FAM167A: variants seen among roughly 807,000 people sequenced by gnomAD.
FAM167A encodes family with sequence similarity 167 member A, also known as protein FAM167A.
In FAM167A, 23 loss-of-function variants were observed where a neutral mutation model predicts 14.9. That is an observed-to-expected ratio of 1.55 (90% CI 1.11 to 2.19). The LOEUF (loss-of-function observed/expected upper bound fraction) is 2.19, where lower values mean the gene tolerates loss of function less well. Among genes scored for constraint, FAM167A ranks in the 30% most tolerant of loss-of-function variants. FAM167A has a pLI of 0.00. For synonymous variants in FAM167A, 174 were observed against 117.7 expected, an observed-to-expected ratio of 1.48 and a Z score of -3.10; for missense variants, 401 against 281.5, an observed-to-expected ratio of 1.42 and a Z score of -3.04.
At chr8:11,455,322 TG>T (rs1807196448) in intron 1 of FAM167A, among the ~76,000 whole-genome samples, 1 of 127,068 alleles carries the variant, frequency 7.9e-6, no homozygotes, top group Non-Finnish European at 1.6e-5. Context: ...TGTGTGAGTG[TG>T]GGGGGTGGTT....
At chr8:11,455,152 G>A (rs1037396760) in intron 1 of FAM167A, among the ~76,000 whole-genome samples, 1 of 144,558 alleles carries the variant, frequency 6.9e-6, no homozygotes, top group African/African-American at 2.6e-5. Flanking sequence ...GTGTGTGTGT[G>A]TGACTGTGGT....
rs1478838901 is a variant in FAM167A at position 11,424,055 on chromosome 8, T to C, written c.*318A>G. On this transcript the variant is annotated 3_prime_UTR_variant, in exon 3 of 3. Transcript: ENST00000284486. ...GAATCCCAGTTCATAGCACCAGTGA[T>C]TCCAGGAAACAGGAACGTGACCGTG... The C allele has an allele frequency of 1.0e-5, 3 of 291,916 alleles. No individual in the cohort carries two copies. Among genetic ancestry groups the C allele is most frequent in the Admixed American group, 4.6e-5 (1 of 21,872 alleles). The allele number at this position is 291,916 out of a possible 1,614,324, so 18.1% of individuals were successfully genotyped here.
At chr8:11,470,391 A>T (rs1807920402), upstream of FAM167A, among the ~76,000 whole-genome samples, 1 of 152,188 alleles carries the variant, frequency 6.6e-6, no homozygotes, top group Non-Finnish European at 1.5e-5. Flanking sequence ...AGGGGCCAGC[A>T]TGGATGCCTC....
chr8:11,462,473 G>T (rs777139645), intron 1 of FAM167A, among the ~76,000 whole-genome samples: 3 of 152,194 alleles, frequency 2.0e-5, no homozygotes, highest in Non-Finnish European at 2.9e-5. Flanking sequence ...GACTGTGCTT[G>T]GCTGTCACTC....
intron 2 of FAM167A, chr8:11,438,258 G>A (rs752202751): frequency 1.5e-5 from 6 of 406,892 alleles, no homozygotes; most frequent in Non-Finnish European, 3.0e-5. Flanking sequence ...CCTTGACCCT[G>A]CAAGACAGCC....
At chr8:11,441,739 A>AG (rs1211184985) in intron 2 of FAM167A, among the ~76,000 whole-genome samples, 2 of 152,226 alleles carry the variant, frequency 1.3e-5, no homozygotes, top group Non-Finnish European at 2.9e-5. Flanking sequence ...AAATGGACAC[A>AG]GTGAGGGCAA....
upstream of FAM167A, among the ~76,000 whole-genome samples, chr8:11,469,507 T>C (rs1278719783): frequency 8.5e-5 from 13 of 152,184 alleles, no homozygotes; most frequent in Non-Finnish European, 1.5e-4. Flanking sequence ...TTTCTTTCCG[T>C]TGGTGCATGA....
At chr8:11,429,099 G>A (rs974400670) in intron 2 of FAM167A, among the ~76,000 whole-genome samples, 1 of 152,028 alleles carries the variant, frequency 6.6e-6, no homozygotes. Flanking sequence ...AACAGAAACT[G>A]CATCCATCAA....
chr8:11,463,720 T>G (rs1255694233), intron 1 of FAM167A, among the ~76,000 whole-genome samples: 1 of 152,196 alleles, frequency 6.6e-6, no homozygotes, highest in Non-Finnish European at 1.5e-5. Context: ...TGGAGGGAAC[T>G]TCCGGCCACA....
At chr8:11,452,307 G>A (rs1313028549) in intron 1 of FAM167A, among the ~76,000 whole-genome samples, 1 of 152,332 alleles carries the variant, frequency 6.6e-6, no homozygotes, top group Non-Finnish European at 1.5e-5. Flanking sequence ...TGGCAGAAAC[G>A]CCGCCCATGG....
At chr8:11,473,444 G>A (rs576030553) in intron 1 of FAM167A, among the ~76,000 whole-genome samples, 1 of 152,226 alleles carries the variant, frequency 6.6e-6, no homozygotes, top group African/African-American at 2.4e-5. Context: ...ACGGGACTTG[G>A]GCTCTTAATA....
intron 1 of FAM167A, among the ~76,000 whole-genome samples, chr8:11,455,796 TGTGA>T (rs1180466391): frequency 2.1e-5 from 3 of 143,776 alleles, no homozygotes; most frequent in Non-Finnish European, 3.0e-5. Flanking sequence ...GCTGGGGTTG[TGTGA>T]GTGTTGGGTG....
rs755646761 is a variant in FAM167A at position 11,458,410 on chromosome 8, C to T, written c.-398+8216G>A. On this transcript the variant is annotated intron_variant, in intron 1 of 2. Coordinates refer to ENST00000284486, the MANE Select transcript of FAM167A (RefSeq NM_053279.3). ...TGAGTCACATTTCTGATGTGCCTCT[C>T]GGGTGAACAGATCTATCTTTTTCCA... Among the ~76,000 whole-genome samples, 24 of 152,286 alleles carry T rather than the reference C, an allele frequency of 1.6e-4. 1 individual carries two copies. Among genetic ancestry groups the T allele is most frequent in the Non-Finnish European group, 2.4e-4 (16 of 68,022 alleles).
At chr8:11,451,415 G>A (rs1034632309) in intron 1 of FAM167A, among the ~76,000 whole-genome samples, 4 of 152,234 alleles carry the variant, frequency 2.6e-5, no homozygotes, top group Admixed American at 1.3e-4. Context: ...TCTGACATTC[G>A]TAAGTGACTG....
Position 11,424,363 on chromosome 8 carries a change from T to G in FAM167A, c.*10A>C, listed in dbSNP as rs1804978850. ...TCCGCTCCAGCCCCTCCGCCCAGTC[T>G]GAGGGCTCCTCAGCAGAGAGAGAAC... On this transcript the variant is annotated 3_prime_UTR_variant, in exon 3 of 3. Transcript: ENST00000284486. The G allele has an allele frequency of 6.2e-7, 1 of 1,613,816 alleles. No individual in the cohort carries two copies.
intron 1 of FAM167A, among the ~76,000 whole-genome samples, chr8:11,453,300 G>C (rs1807099441): frequency 6.6e-6 from 1 of 152,192 alleles, no homozygotes; most frequent in Non-Finnish European, 1.5e-5. Flanking sequence ...AGCCTCCCAA[G>C]TAGCTGGAAC....
At chr8:11,445,228 C>T (rs1806710398) in intron 1 of FAM167A, 1 of 985,406 alleles carries the variant, frequency 1.0e-6, no homozygotes, top group Non-Finnish European at 1.2e-6. Flanking sequence ...TCTGTGGCAA[C>T]AGCCGGGGGG....
chr8:11,467,800 A>C (rs1371275648), upstream of FAM167A, among the ~76,000 whole-genome samples: 1 of 152,208 alleles, frequency 6.6e-6, no homozygotes, highest in Non-Finnish European at 1.5e-5. Flanking sequence ...TCCAGCCCTG[A>C]CCTACTCCCT....
intron 1 of FAM167A, among the ~76,000 whole-genome samples, chr8:11,457,387 G>A (rs1293690538): frequency 6.6e-6 from 1 of 151,902 alleles, no homozygotes; most frequent in African/African-American, 2.4e-5. Flanking sequence ...TCATATGCTG[G>A]CTGCTTCATG....
Sources: gnomAD v4.1 joint callset for allele counts (sites outside exome capture counted in the v4.1 genomes callset) on GRCh38, gnomAD v4.1.1 for gene constraint, MANE v1.5 for transcripts, NCBI Gene and HGNC (gene_info 2026-07-23, HGNC 2026-07-21) for gene names.